The following ABLIM2 variants were observed in gnomAD, a reference collection of about 807,000 sequenced individuals.
The protein encoded by ABLIM2 is actin binding LIM protein family member 2.
Under a neutral mutation model 97.7 loss-of-function variants are expected in ABLIM2, and 53 were observed. That is an observed-to-expected ratio of 0.54 (90% CI 0.44 to 0.68). The LOEUF (loss-of-function observed/expected upper bound fraction) is 0.68, where lower values mean the gene tolerates loss of function less well. ABLIM2 is among the 30% of genes least tolerant of loss of function. ABLIM2 has a pLI of 0.00. For synonymous variants in ABLIM2, 361 were observed against 345.8 expected, an observed-to-expected ratio of 1.04 and a Z score of -0.49; for missense variants, 835 against 867.2, an observed-to-expected ratio of 0.96 and a Z score of 0.47.
intron 1 of ABLIM2, among the ~76,000 whole-genome samples, chr4:8,118,023 C>A (rs1392651999): frequency 6.6e-6 from 1 of 152,226 alleles, no homozygotes; most frequent in Admixed American, 6.5e-5. Context: ...TTTCAGAGGC[C>A]TGTGTTATGA....
At chr4:8,145,745 T>TACACACACACAC (rs34195989) in intron 1 of ABLIM2, among the ~76,000 whole-genome samples, 206 of 138,662 alleles carry the variant, frequency 1.5e-3, no homozygotes, top group African/African-American at 5.0e-3. Flanking sequence ...TACACACTCA[T>TACACACACACAC]ACACACACAC....
chr4:8,139,551 A>G (rs1481723336), intron 1 of ABLIM2, among the ~76,000 whole-genome samples: 2 of 152,268 alleles, frequency 1.3e-5, no homozygotes, highest in Non-Finnish European at 2.9e-5. Context: ...CCACGATGAG[A>G]TACCATCTCA....
At position 8,044,158 on chromosome 4, in the gene ABLIM2, G is replaced by A. The variant is rs1470210520; in HGVS notation, c.900+1006C>T. Among the ~76,000 whole-genome samples the A allele has an allele frequency of 6.6e-6, 1 of 152,192 alleles. No homozygotes were observed. The highest frequency in any genetic ancestry group is 2.4e-5 in the African/African-American group (1 of 41,450). The stretch of plus-strand genomic sequence containing the variant: ...AGCAGATCCAATAAACTGTCTTAAA[G>A]TTCTGGAGCCTAGAAACCCAGTGGA... On this transcript the variant is annotated intron_variant, in intron 9 of 20. Coordinates refer to ENST00000447017, the MANE Select transcript of ABLIM2 (RefSeq NM_001130083.2). The surrounding 1 kb of genome is among the most constrained non-coding windows in gnomAD (Gnocchi z 4.4).
At chr4:8,014,236 G>A (rs1313187405) in intron 14 of ABLIM2, among the ~76,000 whole-genome samples, 13 of 152,240 alleles carry the variant, frequency 8.5e-5, no homozygotes, top group Non-Finnish European at 1.9e-4. Context: ...ATAGCAACTG[G>A]GGAAGGTGCC....
chr4:8,011,835 A>G (rs1412625521), intron 14 of ABLIM2, among the ~76,000 whole-genome samples: 2 of 152,164 alleles, frequency 1.3e-5, no homozygotes, highest in Non-Finnish European at 2.9e-5. Context: ...AGGCATCTGA[A>G]TGAAAGTAAG....
chr4:8,145,098 C>T (rs1025416552), intron 1 of ABLIM2, among the ~76,000 whole-genome samples: 10 of 152,316 alleles, frequency 6.6e-5, no homozygotes, highest in African/African-American at 2.2e-4. Context: ...GTGACATCAC[C>T]CCACAGGGCT....
chr4:8,132,910 C>T lies in ABLIM2; in HGVS notation c.10+25770G>A, dbSNP rs950544767. Among the ~76,000 whole-genome samples, 3 of 152,166 alleles carry T rather than the reference C, an allele frequency of 2.0e-5. No individual in the cohort carries two copies. Among genetic ancestry groups the T allele is most frequent in the African/African-American group, 7.2e-5 (3 of 41,436 alleles). Reference sequence around the variant, plus strand: ...CATCTTTGTTCCCCAGTTCCTGACTCGATGGGTGTCCCGTGGCTGCTGTGA... The same window carrying T: ...CATCTTTGTTCCCCAGTTCCTGACTTGATGGGTGTCCCGTGGCTGCTGTGA... On this transcript the variant is annotated intron_variant, in intron 1 of 20. Coordinates refer to ENST00000447017, the MANE Select transcript of ABLIM2 (RefSeq NM_001130083.2). This position sits in a 1 kb window ranked among gnomAD's most constrained non-coding sequence, Gnocchi z 8.0.
At chr4:8,103,616 T>C (rs1322283501) in intron 2 of ABLIM2, among the ~76,000 whole-genome samples, 4 of 152,158 alleles carry the variant, frequency 2.6e-5, no homozygotes, top group Non-Finnish European at 5.9e-5. Flanking sequence ...TCTTGGGTGA[T>C]GGAGTGTGAG....
chr4:8,044,661 CACACAG>C lies in ABLIM2; in HGVS notation c.900+497_900+502del, dbSNP rs779075834. Among the ~76,000 whole-genome samples the C allele has an allele frequency of 8.1e-4, 99 of 121,716 alleles. No homozygotes were observed. The Middle Eastern group carries it at 0.023, about 28-fold the overall frequency. 79.9% of individuals were successfully genotyped at this position (121,716 alleles called of 152,430 possible). ...GCACAGACACACACACACACACACACACACAGAGTCTCTCTCTCTCTCTCTCTCTCG... is the reference window on the plus strand; with the variant it reads ...GCACAGACACACACACACACACACACAGTCTCTCTCTCTCTCTCTCTCTCG... On this transcript the variant is annotated intron_variant, in intron 9 of 20. Transcript: ENST00000447017. The surrounding 1 kb of genome is among the most constrained non-coding windows in gnomAD (Gnocchi z 4.4).
intron 5 of ABLIM2, 102 bp downstream of exon 5, chr4:8,080,574 G>T: frequency 7.6e-7 from 1 of 1,312,682 alleles, no homozygotes; most frequent in South Asian, 1.8e-5. Context: ...GAATAGGAGA[G>T]ACACAGAGAG....
Position 8,031,718 on chromosome 4 carries a change from A to G in ABLIM2, c.1048-1942T>C, listed in dbSNP as rs1051404100. On this transcript the variant is annotated intron_variant, in intron 10 of 20. Transcript: ENST00000447017. The stretch of plus-strand genomic sequence containing the variant: ...CTGGGTGTCGTGGTGGGGGATGAAT[A>G]AATATACATTTTTTTTTTTTTTTTG... 7.6e-5 allele frequency among the ~76,000 whole-genome samples: 11 copies of G among 144,508 alleles called. No individual in the cohort carries two copies. The East Asian group carries it at 8.7e-4, about 11-fold the overall frequency. The allele number at this position is 144,508 out of a possible 152,430, so 94.8% of individuals were successfully genotyped here.
At chr4:8,117,259 C>G (rs1843176037) in intron 1 of ABLIM2, among the ~76,000 whole-genome samples, 1 of 152,184 alleles carries the variant, frequency 6.6e-6, no homozygotes, top group Non-Finnish European at 1.5e-5. Flanking sequence ...TGAGGAGTGG[C>G]AGAGCAAGGA....
chr4:8,020,846 C>CTTTTTT (rs34799650), intron 12 of ABLIM2: 2 of 94,718 alleles, frequency 2.1e-5, no homozygotes, highest in Non-Finnish European at 4.1e-5. Context: ...TTACCACATT[C>CTTTTTT]TTTTTTTTTT....
In ABLIM2 at chr4:8,083,067, C is replaced by T. The variant is rs6825160; in HGVS notation, c.455-2265G>A. ...TGGGCAGTGGACACAGGATGCTAAC[C>T]GTGCCAGGACAGCCGCCCTCAACAG... On this transcript the variant is annotated intron_variant, in intron 4 of 20. Transcript: ENST00000447017. This position sits in a 1 kb window ranked among gnomAD's most constrained non-coding sequence, Gnocchi z 4.6. Among the ~76,000 whole-genome samples, 3,166 of 152,228 alleles carry T rather than the reference C, an allele frequency of 0.021. 106 individuals are homozygous for T. Among genetic ancestry groups the T allele is most frequent in the African/African-American group, 0.072 (2,987 of 41,506 alleles).
Position 8,085,426 on chromosome 4 carries a change from G to C in ABLIM2, c.454+2743C>G, listed in dbSNP as rs542163145. The stretch of plus-strand genomic sequence containing the variant: ...GCTGCCATCTGGTGTTGGTGTCTCA[G>C]TGCCATTCCCATTCCCCGCCCCCAC... On this transcript the variant is annotated intron_variant, in intron 4 of 20. Coordinates refer to ENST00000447017, the MANE Select transcript of ABLIM2 (RefSeq NM_001130083.2). The surrounding 1 kb of genome is among the most constrained non-coding windows in gnomAD (Gnocchi z 6.1). Among the ~76,000 whole-genome samples the C allele has an allele frequency of 6.6e-6, 1 of 152,254 alleles. No individual in the cohort carries two copies. The highest frequency in any genetic ancestry group is 2.4e-5 in the African/African-American group (1 of 41,562).
intron 20 of ABLIM2, among the ~76,000 whole-genome samples, chr4:7,981,185 T>C (rs1392347365): frequency 1.3e-5 from 2 of 151,986 alleles, no homozygotes; most frequent in African/African-American, 4.8e-5. Flanking sequence ...CCTCATGATC[T>C]GCCCACCTCA....
chr4:8,007,447 G>C (rs775460437), intron 16 of ABLIM2: 258 of 985,440 alleles, frequency 2.6e-4, no homozygotes, highest in Non-Finnish European at 3.0e-4. Context: ...GCTTCTGGGA[G>C]GCACTGAGTG....
intron 6 of ABLIM2, 65 bp downstream of exon 6, chr4:8,077,563 C>T: frequency 7.0e-7 from 1 of 1,422,248 alleles, no homozygotes; most frequent in Non-Finnish European, 9.7e-7. Flanking sequence ...ATCTCCCAGT[C>T]AACTCCCAGG....
intron 9 of ABLIM2, 82 bp from the exon 10 acceptor site, chr4:8,036,377 C>T: frequency 6.6e-7 from 1 of 1,518,264 alleles, no homozygotes; most frequent in African/African-American, 1.4e-5. Flanking sequence ...GGATGCATCC[C>T]ACAGGACAGT....
Sources: allele counts gnomAD v4.1 joint callset (sites outside exome capture counted in the v4.1 genomes callset), GRCh38; gene constraint gnomAD v4.1.1; non-coding constraint Gnocchi (gnomAD v3.1); transcripts MANE v1.5; gene names NCBI Gene and HGNC (gene_info 2026-07-23, HGNC 2026-07-21).